Variants in GRAMD1B observed in about 807,000 individuals in gnomAD.
GRAMD1B encodes GRAM domain containing 1B.
Under a neutral mutation model 99.7 loss-of-function variants are expected in GRAMD1B, and 37 were observed. The ratio of observed to expected loss-of-function variants is 0.37; its 90% CI spans 0.29 to 0.49. The LOEUF (loss-of-function observed/expected upper bound fraction) is 0.49, where lower values mean the gene tolerates loss of function less well. GRAMD1B is among the 20% of genes least tolerant of loss of function. The probability of loss-of-function intolerance (pLI) is 0.98; values close to 1 mark genes in which losing one functional copy is unlikely to be tolerated. For synonymous variants in GRAMD1B, 427 were observed against 387.6 expected (o/e 1.10, Z -1.19); for missense variants, 888 against 1,009.2 (o/e 0.88, Z 1.63).
chr11:123,531,736 T>G (rs970800975), intron 2 of GRAMD1B, among the ~76,000 whole-genome samples: 52 of 144,582 alleles, frequency 3.6e-4, no homozygotes, highest in Admixed American at 1.2e-3. Context: ...GATGGTTTTT[T>G]TTTTTTTTTT....
intron 1 of GRAMD1B, among the ~76,000 whole-genome samples, chr11:123,365,399 G>A (rs1161440761): frequency 1.3e-5 from 2 of 152,020 alleles, no homozygotes; most frequent in East Asian, 1.9e-4. Context: ...TTACAGGCAC[G>A]TGCCACCATG....
chr11:123,570,757 A>T (rs1009640395), intron 2 of GRAMD1B, among the ~76,000 whole-genome samples: 2 of 152,148 alleles, frequency 1.3e-5, no homozygotes, highest in African/African-American at 4.8e-5. Context: ...CAGCTCAAAA[A>T]TATTTATGGA....
At chr11:123,600,628 C>A (rs12420909) in intron 8 of GRAMD1B, 80 bp downstream of exon 8, 52,379 of 825,734 alleles carry the variant, frequency 0.063, 2,141 homozygotes, top group Admixed American at 0.12. Flanking sequence ...TTCTGGGAAT[C>A]CCCCACTGAT....
chr11:123,492,858 T>TCTCACACACACACACA lies in GRAMD1B; in HGVS notation c.452+11966_452+11967insTCACACACACACACAC, dbSNP rs1555043273. On this transcript the variant is annotated intron_variant, in intron 2 of 19. Coordinates refer to ENST00000635736, the MANE Select transcript of GRAMD1B (RefSeq NM_001387025.1). The surrounding 1 kb of genome is among the most constrained non-coding windows in gnomAD (Gnocchi z 4.2). ...CTCTCTCTCTCTCTGTCTCTCTCTT[T>TCTCACACACACACACA]CACACATACACACACACACACACAC... Among the ~76,000 whole-genome samples, 1 of 131,702 alleles carries TCTCACACACACACACA rather than the reference T, an allele frequency of 7.6e-6. No homozygotes were observed. Among genetic ancestry groups the TCTCACACACACACACA allele is most frequent in the African/African-American group, 2.8e-5 (1 of 36,194 alleles). 86.4% of individuals were successfully genotyped at this position (131,702 alleles called of 152,430 possible). A position where few individuals can be genotyped will look rare whatever the true frequency, so the allele number is the denominator to read the frequency against.
chr11:123,564,029 C>T (rs369612871), intron 2 of GRAMD1B, among the ~76,000 whole-genome samples: 16 of 152,164 alleles, frequency 1.1e-4, no homozygotes, highest in South Asian at 6.2e-4. Flanking sequence ...TGAATCCCAG[C>T]GGTCAGGCAG....
chr11:123,502,773 T>TAAA (rs1939998977), intron 2 of GRAMD1B, among the ~76,000 whole-genome samples: 1 of 40,038 alleles, frequency 2.5e-5, no homozygotes, highest in African/African-American at 9.2e-5. Flanking sequence ...AGACTCCATC[T>TAAA]CAAAAAAAAA....
chr11:123,593,429 G>A (rs1349325542), intron 4 of GRAMD1B, among the ~76,000 whole-genome samples: 2 of 152,164 alleles, frequency 1.3e-5, no homozygotes, highest in Non-Finnish European at 2.9e-5. Context: ...AGGACCTGGG[G>A]CAGGGGGCTT....
chr11:123,372,059 G>C (rs1946546099), intron 1 of GRAMD1B, among the ~76,000 whole-genome samples: 2 of 152,192 alleles, frequency 1.3e-5, no homozygotes, highest in South Asian at 4.1e-4. Flanking sequence ...ACAGAGCACT[G>C]AAGCAAGGTT....
chr11:123,385,355 A>T (rs1380439355), intron 1 of GRAMD1B, among the ~76,000 whole-genome samples: 1 of 152,184 alleles, frequency 6.6e-6, no homozygotes, highest in Non-Finnish European at 1.5e-5. Flanking sequence ...GTTCTTGAGC[A>T]GATATGACCA....
intron 1 of GRAMD1B, among the ~76,000 whole-genome samples, chr11:123,478,385 A>G (rs1951413124): frequency 6.6e-6 from 1 of 152,198 alleles, no homozygotes; most frequent in African/African-American, 2.4e-5. Flanking sequence ...TACTTGTTGG[A>G]TGCATGTAGT....
At position 123,492,858 on chromosome 11, in the gene GRAMD1B, T is replaced by TCACACACACACACA. The variant is rs763283753; in HGVS notation, c.452+11971_452+11972insCACACACACACACA. Among the ~76,000 whole-genome samples the TCACACACACACACA allele has an allele frequency of 0.017, 2,238 of 131,752 alleles. 70 individuals are homozygous for TCACACACACACACA. Among genetic ancestry groups the TCACACACACACACA allele is most frequent in the African/African-American group, 0.037 (1,360 of 36,274 alleles). The allele number at this position is 131,752 out of a possible 152,430, so 86.4% of individuals were successfully genotyped here. A position where few individuals can be genotyped will look rare whatever the true frequency, so the allele number is the denominator to read the frequency against. ...CTCTCTCTCTCTCTGTCTCTCTCTTTCACACATACACACACACACACACAC... is the reference window on the plus strand; with the variant it reads ...CTCTCTCTCTCTCTGTCTCTCTCTTTCACACACACACACACACACATACACACACACACACACAC... On this transcript the variant is annotated intron_variant, in intron 2 of 19. Coordinates refer to ENST00000635736, the MANE Select transcript of GRAMD1B (RefSeq NM_001387025.1). The surrounding 1 kb of genome is among the most constrained non-coding windows in gnomAD (Gnocchi z 4.2).
At position 123,587,598 on chromosome 11, in the gene GRAMD1B, G is replaced by A. The variant is rs560244234; in HGVS notation, c.684+3266G>A. On this transcript the variant is annotated intron_variant, in intron 4 of 19. Transcript: ENST00000635736. The surrounding 1 kb of genome is among the most constrained non-coding windows in gnomAD (Gnocchi z 4.2). ...GGGTTTCCTTCCTTGGCCTCCTGGC[G>A]CATTCCTGCGGGCAGTCTTCTCCAT... 5.9e-5 allele frequency among the ~76,000 whole-genome samples: 9 copies of A among 152,312 alleles called. No homozygotes were observed. The highest frequency in any genetic ancestry group is 2.1e-4 in the South Asian group (1 of 4,830).
chr11:123,502,541 G>A (rs1027733226), intron 2 of GRAMD1B, among the ~76,000 whole-genome samples: 4 of 152,110 alleles, frequency 2.6e-5, no homozygotes, highest in African/African-American at 9.7e-5. Flanking sequence ...TTGGGAAGCT[G>A]GGGCAGGTGG....
intron 1 of GRAMD1B, among the ~76,000 whole-genome samples, chr11:123,360,219 C>G (rs1006433032): frequency 1.3e-5 from 2 of 152,172 alleles, no homozygotes; most frequent in African/African-American, 4.8e-5. Flanking sequence ...AAAGTGTAGA[C>G]ATGTAACTCT....
intron 1 of GRAMD1B, among the ~76,000 whole-genome samples, chr11:123,394,802 G>T (rs947404581): frequency 6.6e-6 from 1 of 152,188 alleles, no homozygotes; most frequent in African/African-American, 2.4e-5. Flanking sequence ...GGTGCCAGCA[G>T]GTTTAGTGTT....
At chr11:123,497,254 A>C (rs766036286) in intron 2 of GRAMD1B, among the ~76,000 whole-genome samples, 21 of 152,150 alleles carry the variant, frequency 1.4e-4, no homozygotes, top group South Asian at 2.1e-4. Flanking sequence ...CTCTTCCCTT[A>C]CTTTCTCCCA....
chr11:123,430,852 G>T lies in GRAMD1B; in HGVS notation c.60G>T (p.Pro20=), dbSNP rs1418057215. The change falls in exon 1 of 20, where the codon CCG becomes CCT. Residue 20 remains proline, a synonymous_variant. Transcript: ENST00000635736. ...RPLPALQVPE[P]QGAPEGSPVW... ...TGCCCGCCCTGCAGGTGCCCGAGCC[G>T]CAGGGTGCGCCCGAGGGCAGCCCGG... 4 of 700,288 alleles carry T rather than the reference G, an allele frequency of 5.7e-6. No homozygotes were observed. The highest frequency in any genetic ancestry group is 2.0e-5 in the Admixed American group (1 of 49,884). 43.4% of individuals were successfully genotyped at this position (700,288 alleles called of 1,614,324 possible).
chr11:123,388,171 AG>A (rs1443005302), intron 1 of GRAMD1B, among the ~76,000 whole-genome samples: 3 of 151,360 alleles, frequency 2.0e-5, no homozygotes, highest in Admixed American at 2.0e-4. Flanking sequence ...TAGTATGGAA[AG>A]GGGGAAAAAT....
intron 4 of GRAMD1B, among the ~76,000 whole-genome samples, chr11:123,589,460 T>G (rs931760619): frequency 1.3e-5 from 2 of 151,702 alleles, no homozygotes; most frequent in Admixed American, 6.6e-5. Flanking sequence ...GGAATCTACT[T>G]TTTTTGAGAG....
Sources: gnomAD v4.1 joint callset for allele counts (sites outside exome capture counted in the v4.1 genomes callset) on GRCh38, gnomAD v4.1.1 for gene constraint, Gnocchi (gnomAD v3.1) non-coding constraint, MANE v1.5 for transcripts, NCBI Gene and HGNC (gene_info 2026-07-23, HGNC 2026-07-21) for gene names.